ANKRD36C: variants seen among roughly 807,000 people sequenced by gnomAD.
ANKRD36C encodes the protein ankyrin repeat domain-containing protein 36C.
A neutral mutation model predicts 276.4 loss-of-function variants in ANKRD36C; 61 were observed. That is an observed-to-expected ratio of 0.22 (90% confidence interval 0.18 to 0.27). ANKRD36C has a LOEUF of 0.27. Among genes scored for constraint, ANKRD36C ranks in the 10% least tolerant of loss-of-function variants. The probability of loss-of-function intolerance (pLI) is 1.00; values close to 1 mark genes in which losing one functional copy is unlikely to be tolerated. For synonymous variants in ANKRD36C, 483 were observed against 680.1 expected, an observed-to-expected ratio of 0.71 and a Z score of 4.51; for missense variants, 1,447 against 2,032.3, an observed-to-expected ratio of 0.71 and a Z score of 5.54.
At position 95,907,919 on chromosome 2, in the gene ANKRD36C, CAAAATCAAATATTTGTTATG is replaced by C. The variant is rs1241408503; in HGVS notation, c.2653+4305_2653+4324del. Reference sequence around the variant, plus strand: ...TGCTTCCAGTAGTTCCTGGAGCAGCCAAAATCAAATATTTGTTATGAAAATATTCCAAATGCATCTGAAGT... The same window carrying C: ...TGCTTCCAGTAGTTCCTGGAGCAGCCAAAATATTCCAAATGCATCTGAAGT... On this transcript the variant is annotated intron_variant, in intron 42 of 66. Coordinates refer to ENST00000456556, the Ensembl canonical transcript of ANKRD36C. Among the ~76,000 whole-genome samples, 29 of 149,024 alleles carry C rather than the reference CAAAATCAAATATTTGTTATG, an allele frequency of 1.9e-4. 1 individual carries two copies. The South Asian group carries it at 5.6e-3, about 29-fold the overall frequency.
intron 3 of ANKRD36C, 28 bp downstream of exon 3, chr2:95,986,723 T>C (rs754991540): frequency 1.3e-6 from 2 of 1,579,490 alleles, no homozygotes; most frequent in East Asian, 4.5e-5. Flanking sequence ...TTTCAGATAG[T>C]TTGAAAATAA....
intron 59 of ANKRD36C, among the ~76,000 whole-genome samples, chr2:95,875,047 T>C (rs1407939005): frequency 6.6e-6 from 1 of 152,180 alleles, no homozygotes; most frequent in Non-Finnish European, 1.5e-5. Flanking sequence ...CTGGAGAAGA[T>C]GTGGAGAAAT....
rs1558657300 is a variant in ANKRD36C at position 95,960,632 on chromosome 2, A to G, written c.930+7T>C. 1 of 1,325,682 alleles carries G rather than the reference A, an allele frequency of 7.5e-7. No individual in the cohort carries two copies. Among genetic ancestry groups the G allele is most frequent in the Admixed American group, 2.2e-5 (1 of 44,460 alleles). 82.1% of individuals were successfully genotyped at this position (1,325,682 alleles called of 1,614,324 possible). On this transcript the variant is annotated splice_region_variant and intron_variant, in intron 9 of 66. Transcript: ENST00000456556. Reference sequence around the variant, plus strand: ...AATTATTCAAAATATGAATGAGAGTATAATACCTTCAAGGCCGGTTGTTTC... The same window carrying G: ...AATTATTCAAAATATGAATGAGAGTGTAATACCTTCAAGGCCGGTTGTTTC...
intron 4 of ANKRD36C, among the ~76,000 whole-genome samples, chr2:95,981,153 A>G (rs1678907000): frequency 6.6e-6 from 1 of 151,900 alleles, no homozygotes; most frequent in African/African-American, 2.4e-5. Flanking sequence ...GAAGGGTCAG[A>G]TAAGAGCTAT....
At chr2:95,865,119 C>T (rs547496712) in intron 60 of ANKRD36C, among the ~76,000 whole-genome samples, 1 of 152,010 alleles carries the variant, frequency 6.6e-6, no homozygotes. Flanking sequence ...TTTACAACTT[C>T]ATCAAAAATG....
intron 19 of ANKRD36C, among the ~76,000 whole-genome samples, chr2:95,943,703 A>T (rs929052944): frequency 3.3e-5 from 5 of 152,094 alleles, no homozygotes; most frequent in Middle Eastern, 3.4e-3. Context: ...AAAAGTAATG[A>T]TTCATTCAAA....
chr2:95,870,301 C>G (rs1675776259), intron 59 of ANKRD36C, among the ~76,000 whole-genome samples: 1 of 152,164 alleles, frequency 6.6e-6, no homozygotes, highest in Non-Finnish European at 1.5e-5. Flanking sequence ...CAGCCGGGTA[C>G]TCCTCTGAGA....
intron 42 of ANKRD36C, 23 bp downstream of exon 53, chr2:95,903,030 A>T: frequency 8.9e-6 from 14 of 1,570,336 alleles, no homozygotes; most frequent in Non-Finnish European, 1.2e-5. Context: ...ACTAGTTCAC[A>T]ATATAAATGA....
chr2:95,889,076 C>G (rs1676271161), intron 48 of ANKRD36C, among the ~76,000 whole-genome samples: 1 of 151,512 alleles, frequency 6.6e-6, no homozygotes, highest in South Asian at 2.1e-4. Context: ...TCGTTTATCT[C>G]AGTTTTATAA....
intron 42 of ANKRD36C, chr2:95,902,931 A>G: frequency 6.3e-7 from 1 of 1,590,136 alleles, no homozygotes. Flanking sequence ...GCTATATTCA[A>G]AAGAGAATCT....
intron 10 of ANKRD36C, among the ~76,000 whole-genome samples, 152 bp downstream of exon 10, chr2:95,960,321 C>T (rs1177758971): frequency 6.6e-6 from 1 of 151,886 alleles, no homozygotes; most frequent in Non-Finnish European, 1.5e-5. Context: ...AGCAGAATCA[C>T]CATCACTCAA....
chr2:95,880,507 G>C lies in ANKRD36C; in HGVS notation c.3397-8C>G, dbSNP rs944044502. The C allele has an allele frequency of 1.9e-6, 3 of 1,548,734 alleles. No individual in the cohort carries two copies. The highest frequency in any genetic ancestry group is 2.7e-5 in the African/African-American group (2 of 72,938). The stretch of plus-strand genomic sequence containing the variant: ...TTTATTTTCAATTGTAGCCTGAATG[G>C]GTTTTAAAACAAAGTGATTAGCACA... On this transcript the variant is annotated splice_region_variant and splice_polypyrimidine_tract_variant and intron_variant, in intron 57 of 66. Coordinates refer to ENST00000456556, the Ensembl canonical transcript of ANKRD36C.
intron 64 of ANKRD36C, 200 bp downstream of exon 84, chr2:95,853,509 G>A: frequency 2.4e-6 from 1 of 411,726 alleles, no homozygotes; most frequent in Admixed American, 4.2e-5. Flanking sequence ...TTAAGATATA[G>A]GTGCATTATA....
chr2:95,869,217 G>T (rs531233031), intron 59 of ANKRD36C, among the ~76,000 whole-genome samples: 2 of 152,250 alleles, frequency 1.3e-5, no homozygotes, highest in African/African-American at 4.8e-5. Flanking sequence ...TCACTGGATT[G>T]TAACTAAGAA....
rs546800621 is a variant in ANKRD36C, at chr2:95,947,166, A to G, written c.1362+1364T>C. Among the ~76,000 whole-genome samples, 8 of 152,294 alleles carry G rather than the reference A, an allele frequency of 5.3e-5. No individual in the cohort carries two copies. The East Asian group carries it at 1.5e-3, about 29-fold the overall frequency. On this transcript the variant is annotated intron_variant, in intron 17 of 66. Coordinates refer to ENST00000456556, the Ensembl canonical transcript of ANKRD36C. ...CCTAATCTAAGCTTCCATTTGGAAG[A>G]TATTAGAAAACACGCTGTATCCACC...
intron 28 of ANKRD36C, among the ~76,000 whole-genome samples, chr2:95,926,042 C>T (rs1364505792): frequency 6.6e-6 from 1 of 151,490 alleles, no homozygotes; most frequent in Non-Finnish European, 1.5e-5. Flanking sequence ...ATGTACACTT[C>T]ACAAGTCCTC....
intron 54 of ANKRD36C, among the ~76,000 whole-genome samples, chr2:95,882,997 A>G (rs1676119624): frequency 6.6e-6 from 1 of 152,124 alleles, no homozygotes; most frequent in Non-Finnish European, 1.5e-5. Flanking sequence ...ACACTTCACA[A>G]GTCCTCAGTG....
chr2:95,891,971 G>T (rs1370274940), intron 44 of ANKRD36C, 111 bp from the exon 65 acceptor site: 14 of 1,505,420 alleles, frequency 9.3e-6, no homozygotes, highest in Non-Finnish European at 1.3e-5. Context: ...ATTAGCGTAG[G>T]CTTTGATGGC....
exon 64 of ANKRD36C, chr2:95,853,750 T>C: frequency 6.3e-7 from 1 of 1,597,424 alleles, no homozygotes; most frequent in South Asian, 1.1e-5. Flanking sequence ...GAATCCTGCA[T>C]CCCATTTTCT....
Sources: allele counts gnomAD v4.1 joint callset (sites outside exome capture counted in the v4.1 genomes callset), GRCh38; gene constraint gnomAD v4.1.1; transcripts MANE v1.5; gene names NCBI Gene and HGNC (gene_info 2026-07-23, HGNC 2026-07-21).